The following DCC variants were observed in gnomAD, a reference collection of about 807,000 sequenced individuals.
DCC encodes the protein netrin receptor DCC.
Under a neutral mutation model 172.5 loss-of-function variants are expected in DCC, and 58 were observed. That is an observed-to-expected ratio of 0.34 (90% confidence interval 0.27 to 0.42). DCC has a LOEUF of 0.42. Among genes scored for constraint, DCC ranks in the 10% least tolerant of loss-of-function variants. The pLI is 1.00. For synonymous variants in DCC, 709 were observed against 644.5 expected, an observed-to-expected ratio of 1.10 and a Z score of -1.52; for missense variants, 1,740 against 1,791.0, an observed-to-expected ratio of 0.97 and a Z score of 0.51.
chr18:53,298,203 TTC>T (rs902413218), intron 12 of DCC, among the ~76,000 whole-genome samples: 2 of 152,046 alleles, frequency 1.3e-5, no homozygotes, highest in Non-Finnish European at 2.9e-5. Flanking sequence ...AGCACAATTG[TTC>T]TCTCTTTTTC....
chr18:52,794,033 A>G (rs1478776146), intron 2 of DCC, among the ~76,000 whole-genome samples: 1 of 152,070 alleles, frequency 6.6e-6, no homozygotes, highest in Non-Finnish European at 1.5e-5. Flanking sequence ...TTATTCTAAT[A>G]CCATACTGTT....
chr18:52,821,776 A>G (rs756355804), intron 2 of DCC, among the ~76,000 whole-genome samples: 4 of 152,218 alleles, frequency 2.6e-5, no homozygotes, highest in Non-Finnish European at 5.9e-5. Context: ...ACGTAAGAGC[A>G]AGTTCTGTTT....
rs931331491 is a variant in DCC at position 52,832,515 on chromosome 18, G to A, written c.413-73529G>A. Among the ~76,000 whole-genome samples the A allele has an allele frequency of 2.3e-4, 35 of 152,074 alleles. 1 individual carries two copies. The highest frequency in any genetic ancestry group is 7.3e-4 in the African/African-American group (30 of 41,366). On this transcript the variant is annotated intron_variant, in intron 2 of 28. Transcript: ENST00000442544. ...TTAGTAAGACTTCTGGGCGTCTTCCGTGGACTCGTTTAAGAATCCCTGCTG... is the reference window on the plus strand; with the variant it reads ...TTAGTAAGACTTCTGGGCGTCTTCCATGGACTCGTTTAAGAATCCCTGCTG...
At chr18:52,405,605 A>C (rs1986616333) in intron 1 of DCC, among the ~76,000 whole-genome samples, 1 of 151,302 alleles carries the variant, frequency 6.6e-6, no homozygotes, top group African/African-American at 2.4e-5. Flanking sequence ...CTAGGAATCC[A>C]ACTTACAAGG....
intron 5 of DCC, among the ~76,000 whole-genome samples, chr18:53,005,725 C>G (rs1171761754): frequency 6.6e-6 from 1 of 152,074 alleles, no homozygotes; most frequent in Non-Finnish European, 1.5e-5. Flanking sequence ...GAGATTCTGT[C>G]TCAAAAACAG....
chr18:53,321,858 T>G (rs1403585626), intron 13 of DCC, among the ~76,000 whole-genome samples, 189 bp from the exon 14 acceptor site: 1 of 152,240 alleles, frequency 6.6e-6, no homozygotes. Context: ...TAAGAATGTA[T>G]AAAAATTAAT....
At chr18:53,387,467 A>G (rs922452687) in intron 16 of DCC, among the ~76,000 whole-genome samples, 4 of 152,234 alleles carry the variant, frequency 2.6e-5, no homozygotes, top group Admixed American at 1.3e-4. Flanking sequence ...GAGACAGTAT[A>G]TATCATTCAT....
chr18:52,731,297 C>T (rs866498243), intron 1 of DCC, among the ~76,000 whole-genome samples: 11 of 152,108 alleles, frequency 7.2e-5, no homozygotes, highest in Non-Finnish European at 1.5e-4. Context: ...AGAGTTCACT[C>T]CAAAGTACAA....
intron 1 of DCC, among the ~76,000 whole-genome samples, chr18:52,426,223 G>A (rs17754647): frequency 0.19 from 29,528 of 151,768 alleles, 3,500 homozygotes; most frequent in East Asian, 0.56. Context: ...TCATCTCCAC[G>A]GCAATGAGAA....
intron 1 of DCC, among the ~76,000 whole-genome samples, chr18:52,672,841 G>A (rs886074139): frequency 6.6e-6 from 1 of 152,156 alleles, no homozygotes; most frequent in Non-Finnish European, 1.5e-5. Flanking sequence ...GCAAAGGCAA[G>A]AGGATCACTT....
intron 14 of DCC, among the ~76,000 whole-genome samples, chr18:53,338,178 T>C (rs1056533919): frequency 2.6e-5 from 4 of 152,242 alleles, no homozygotes; most frequent in Non-Finnish European, 4.4e-5. Context: ...GCTGCCTTTT[T>C]ACTTGCCTGT....
chr18:52,864,478 T>G (rs2039189638), intron 2 of DCC, among the ~76,000 whole-genome samples: 1 of 152,344 alleles, frequency 6.6e-6, no homozygotes, highest in South Asian at 2.1e-4. Flanking sequence ...TCTAGTTTGA[T>G]AGGTGGCTTT....
chr18:53,434,010 T>G (rs1451551888), intron 21 of DCC, among the ~76,000 whole-genome samples: 1 of 152,216 alleles, frequency 6.6e-6, no homozygotes, highest in Non-Finnish European at 1.5e-5. Context: ...GATTCTAAGT[T>G]GTTTCTTGAA....
intron 7 of DCC, among the ~76,000 whole-genome samples, chr18:53,066,389 ATATATATATG>A (rs1362114904): frequency 8.3e-4 from 76 of 92,012 alleles, no homozygotes; most frequent in Non-Finnish European, 1.1e-3. Context: ...ATATATATAT[ATATATATATG>A]TGCATGTGTG....
intron 25 of DCC, among the ~76,000 whole-genome samples, chr18:53,482,252 C>T (rs2045841371): frequency 6.6e-6 from 1 of 152,168 alleles, no homozygotes; most frequent in Non-Finnish European, 1.5e-5. Flanking sequence ...ACTTCAAGAT[C>T]GAAGCTTTGG....
At chr18:53,430,901 A>G (rs188753736) in intron 21 of DCC, among the ~76,000 whole-genome samples, 1 of 152,220 alleles carries the variant, frequency 6.6e-6, no homozygotes, top group African/African-American at 2.4e-5. Flanking sequence ...GATCAAGAAG[A>G]CTTTTGTCCA....
chr18:52,498,516 C>G (rs893698419), intron 1 of DCC, among the ~76,000 whole-genome samples: 16 of 151,944 alleles, frequency 1.1e-4, no homozygotes, highest in Non-Finnish European at 1.0e-4. Context: ...CCCAGTTACT[C>G]AGGAGGCTGA....
intron 1 of DCC, among the ~76,000 whole-genome samples, chr18:52,365,554 A>C (rs1430256183): frequency 6.6e-6 from 1 of 151,818 alleles, no homozygotes; most frequent in Non-Finnish European, 1.5e-5. Flanking sequence ...GTACGAGGGG[A>C]GAGTATGGCA....
At chr18:52,786,221 C>A (rs1598801189) in intron 2 of DCC, among the ~76,000 whole-genome samples, 2 of 152,088 alleles carry the variant, frequency 1.3e-5, no homozygotes, top group African/African-American at 4.8e-5. Flanking sequence ...TTTACTTTCA[C>A]TGCTTGGCAG....
Sources: allele counts gnomAD v4.1 joint callset (sites outside exome capture counted in the v4.1 genomes callset), GRCh38; gene constraint gnomAD v4.1.1; transcripts MANE v1.5; gene names NCBI Gene and HGNC (gene_info 2026-07-23, HGNC 2026-07-21).